The following KANSL1 variants were observed in gnomAD, a reference collection of about 807,000 sequenced individuals.
KANSL1 encodes MLL1/MLL complex subunit KANSL1.
In KANSL1, 22 loss-of-function variants were observed where a neutral mutation model predicts 103.6. That is an observed-to-expected ratio of 0.21 (90% CI 0.15 to 0.30). KANSL1 has a LOEUF of 0.30. Among genes scored for constraint, KANSL1 ranks in the 10% least tolerant of loss-of-function variants. KANSL1 has a pLI of 1.00. For missense variants in KANSL1, 1,337 were observed against 1,399.8 expected (o/e 0.96, Z 0.72); for synonymous variants, 600 against 527.6 (o/e 1.14, Z -1.88).
chr17:46,038,484 A>G, intron 10 of KANSL1, 54 bp downstream of exon 10: 1 of 1,592,524 alleles, frequency 6.3e-7, no homozygotes, highest in Non-Finnish European at 8.6e-7. Flanking sequence ...GAGCCACTTG[A>G]GTGAGCTGTG....
chr17:46,171,383 G>A lies in KANSL1; in HGVS notation c.761C>T (p.Ser254Phe). The A allele has an allele frequency of 1.9e-6, 3 of 1,614,190 alleles. No homozygotes were observed. The highest frequency in any genetic ancestry group is 1.3e-5 in the African/African-American group (1 of 75,052). ...TTTGACACCCCCCAAGTTAGAGCTGGAGTCTGTACCAGGTGATAATCTACT... is the reference window on the plus strand; with the variant it reads ...TTTGACACCCCCCAAGTTAGAGCTGAAGTCTGTACCAGGTGATAATCTACT... Reference protein sequence around the residue: ...GSSRLSPGTDSSSNLGGVKLE... With the variant: ...GSSRLSPGTDFSSNLGGVKLE... Residue 254 changes from serine (S) to phenylalanine (F), a missense_variant, in exon 2 of 15, where the codon TCC becomes TTC. Coordinates refer to ENST00000432791, the MANE Select transcript of KANSL1 (RefSeq NM_015443.4).
At chr17:46,093,323 G>A (rs1431743703) in intron 3 of KANSL1, 1 of 152,588 alleles carries the variant, frequency 6.6e-6, no homozygotes, top group African/African-American at 2.4e-5. Flanking sequence ...ACCAAATCTA[G>A]AATGTTTATT....
At chr17:46,109,958 G>A (rs1366959146) in intron 2 of KANSL1, among the ~76,000 whole-genome samples, 1 of 152,234 alleles carries the variant, frequency 6.6e-6, no homozygotes, top group Non-Finnish European at 1.5e-5. Context: ...GTAGAGGGGT[G>A]AGAGGGTGAC....
intron 2 of KANSL1, among the ~76,000 whole-genome samples, chr17:46,133,893 C>T (rs1443876468): frequency 6.6e-6 from 1 of 152,072 alleles, no homozygotes; most frequent in African/African-American, 2.4e-5. Context: ...TATATTGGTT[C>T]AAGGAGAGAT....
chr17:46,032,109 G>C lies in KANSL1; in HGVS notation c.3028C>G (p.Pro1010Ala), dbSNP rs143018360. The change falls in exon 14 of 15, where the codon CCG (proline) becomes GCG (alanine). Residue 1010 changes from proline (P) to alanine (A), a missense_variant. Physicochemically the swap from Pro to Ala is conservative, Grantham distance 27. This residue lies in a region of KANSL1 where 780 missense variants were observed against 923.4 expected (regional missense o/e 0.84). Transcript: ENST00000432791. ...GTATCCTCACTGGCTAAGTGTCGCG[G>C]AGTGTCCCGAGCCACAGGGGTGAGG... ...APLTPVARDT[P>A]RHLASEDTRC... 1 of 1,614,110 alleles carries C rather than the reference G, an allele frequency of 6.2e-7. No homozygotes were observed. Among genetic ancestry groups the C allele is most frequent in the Non-Finnish European group, 8.5e-7 (1 of 1,180,008 alleles).
At chr17:46,140,791 C>T (rs1337623145) in intron 2 of KANSL1, among the ~76,000 whole-genome samples, 1 of 152,116 alleles carries the variant, frequency 6.6e-6, no homozygotes, top group Non-Finnish European at 1.5e-5. Flanking sequence ...GCATCATTAG[C>T]CATTAGAGAA....
intron 2 of KANSL1, among the ~76,000 whole-genome samples, chr17:46,132,121 CCATCTCAAAAAAAAAAAAG>C (rs2043892712): frequency 6.6e-6 from 1 of 151,550 alleles, no homozygotes; most frequent in Non-Finnish European, 1.5e-5. Context: ...CAGCAAAACT[CCATCTCAAAAAAAAAAAAG>C]TAAAATGAGT....
At chr17:46,134,934 T>G (rs1353894342) in intron 2 of KANSL1, among the ~76,000 whole-genome samples, 1 of 152,140 alleles carries the variant, frequency 6.6e-6, no homozygotes, top group East Asian at 1.9e-4. Flanking sequence ...CTTTTAGTAT[T>G]CAAAGTGTAG....
chr17:46,159,819 A>G (rs188023015), intron 2 of KANSL1, among the ~76,000 whole-genome samples: 226 of 152,376 alleles, frequency 1.5e-3, no homozygotes, highest in Non-Finnish European at 2.5e-3. Flanking sequence ...TTTGATGGGG[A>G]AAAACCTTTA....
At chr17:46,098,986 A>C (rs974023713) in intron 2 of KANSL1, among the ~76,000 whole-genome samples, 4 of 152,232 alleles carry the variant, frequency 2.6e-5, no homozygotes, top group African/African-American at 4.8e-5. Context: ...GAGCACCACT[A>C]AACAGTAACA....
intron 6 of KANSL1, among the ~76,000 whole-genome samples, chr17:46,057,572 G>A (rs927934660): frequency 5.3e-5 from 8 of 152,078 alleles, no homozygotes; most frequent in Non-Finnish European, 8.8e-5. Flanking sequence ...TAGTCATTAC[G>A]TGTCTTCTGA....
intron 1 of KANSL1, among the ~76,000 whole-genome samples, chr17:46,198,917 C>G (rs1408181116): frequency 6.6e-6 from 1 of 152,088 alleles, no homozygotes; most frequent in Non-Finnish European, 1.5e-5. Flanking sequence ...CTAGTGAGTA[C>G]CTATTAAGCT....
chr17:46,123,303 G>C (rs1040547460), intron 2 of KANSL1, among the ~76,000 whole-genome samples: 1 of 152,192 alleles, frequency 6.6e-6, no homozygotes, highest in Admixed American at 6.5e-5. Flanking sequence ...CTTGAGCCCG[G>C]GAGGCAGAGG....
intron 4 of KANSL1, 89 bp downstream of exon 4, chr17:46,082,352 C>G: frequency 1.3e-6 from 1 of 758,072 alleles, no homozygotes; most frequent in South Asian, 1.8e-5. Flanking sequence ...TCAGCCAATG[C>G]AAGGATCCTA....
chr17:46,199,194 T>C (rs1029141486), intron 1 of KANSL1, among the ~76,000 whole-genome samples: 3 of 152,240 alleles, frequency 2.0e-5, no homozygotes, highest in Non-Finnish European at 4.4e-5. Context: ...AGTTAAGAGA[T>C]TGCCAAAGCG....
At chr17:46,184,262 AG>A (rs2147857130) in intron 1 of KANSL1, among the ~76,000 whole-genome samples, 1 of 152,342 alleles carries the variant, frequency 6.6e-6, no homozygotes, top group East Asian at 1.9e-4. Flanking sequence ...TGGTGCACAG[AG>A]GGTGAGGGTT....
At chr17:46,067,710 C>T (rs1057063761) in intron 4 of KANSL1, 43 bp from the exon 5 acceptor site, 11 of 999,256 alleles carry the variant, frequency 1.1e-5, no homozygotes, top group African/African-American at 6.4e-5. Context: ...TGTACCCAAG[C>T]GCACCCCTGC....
intron 2 of KANSL1, among the ~76,000 whole-genome samples, chr17:46,152,123 G>A (rs2147501486): frequency 6.6e-6 from 1 of 152,370 alleles, no homozygotes; most frequent in South Asian, 2.1e-4. Flanking sequence ...GGTACTTACA[G>A]TGGGAAGAAA....
chr17:46,105,606 AC>A (rs1482006948), intron 2 of KANSL1, among the ~76,000 whole-genome samples: 1 of 151,960 alleles, frequency 6.6e-6, no homozygotes, highest in African/African-American at 2.4e-5. Flanking sequence ...CAAGAGTGAA[AC>A]CCTGTCTCAA....
Sources: allele counts gnomAD v4.1 joint callset (sites outside exome capture counted in the v4.1 genomes callset), GRCh38; gene constraint gnomAD v4.1.1; regional missense constraint gnomAD v4.1.1; transcripts MANE v1.5; gene names NCBI Gene and HGNC (gene_info 2026-07-23, HGNC 2026-07-21).